POMZP3: variants seen among roughly 807,000 people sequenced by gnomAD.
POMZP3 encodes the protein POM121 and ZP3 fusion.
A neutral mutation model predicts 19.8 loss-of-function variants in POMZP3; 10 were observed. That is an observed-to-expected ratio of 0.51 (90% CI 0.31 to 0.86). POMZP3 has a LOEUF of 0.86. Ranked by LOEUF, POMZP3 falls within the 40% of genes least tolerant of loss-of-function variation. The pLI, the probability that POMZP3 is intolerant of heterozygous loss-of-function variation, is 0.04. For synonymous variants in POMZP3, 57 were observed against 85.8 expected, an observed-to-expected ratio of 0.66 and a Z score of 1.85; for missense variants, 152 against 228.1, an observed-to-expected ratio of 0.67 and a Z score of 2.15.
At chr7:76,619,315 G>C (rs1308558336) in intron 3 of POMZP3, among the ~76,000 whole-genome samples, 3 of 152,124 alleles carry the variant, frequency 2.0e-5, no homozygotes, top group Admixed American at 1.3e-4. Context: ...CTCAATCCAG[G>C]GGGCAGAGGT....
intron 6 of POMZP3, among the ~76,000 whole-genome samples, chr7:76,610,481 G>A (rs1404340348): frequency 1.3e-5 from 2 of 151,702 alleles, no homozygotes; most frequent in African/African-American, 2.4e-5. Context: ...GGCAAGACCC[G>A]TCTCTACTGA....
At position 76,626,090 on chromosome 7, in the gene POMZP3, G is replaced by C. The variant is rs1815874492; in HGVS notation, c.-26C>G. 6.2e-7 allele frequency: 1 copy of C among 1,613,684 alleles called. No individual in the cohort carries two copies. Among genetic ancestry groups the C allele is most frequent in the Non-Finnish European group, 8.5e-7 (1 of 1,179,754 alleles). On this transcript the variant is annotated 5_prime_UTR_variant, in exon 2 of 7. Transcript: ENST00000310842. Reference sequence around the variant, plus strand: ...CCTGGAGTTGCGAGGGGACAGCACAGCCTTCTTGTGATAACCATTCCAGCA... The same window carrying C: ...CCTGGAGTTGCGAGGGGACAGCACACCCTTCTTGTGATAACCATTCCAGCA...
rs1815928406 is a variant in POMZP3, at chr7:76,626,792, G to GGCGGTGTGGAGC, written c.-248_-237dup. The GGCGGTGTGGAGC allele has an allele frequency of 8.6e-6, 12 of 1,393,602 alleles. No homozygotes were observed. The highest frequency in any genetic ancestry group is 1.1e-5 in the Non-Finnish European group (12 of 1,085,982). 86.3% of individuals were successfully genotyped at this position (1,393,602 alleles called of 1,614,324 possible). ...GTGAACGCGATGGGTCGGCGGGGAG[G>GGCGGTGTGGAGC]GCGGTGTGGAGCGCGGCGCCGGGCG... is the stretch of plus-strand genomic sequence containing the variant. On this transcript the variant is annotated 5_prime_UTR_variant, in exon 1 of 7. Transcript: ENST00000310842.
At position 76,613,878 on chromosome 7, in the gene POMZP3, G is replaced by A. The variant is rs1357263980; in HGVS notation, c.346-2065C>T. On this transcript the variant is annotated intron_variant, in intron 4 of 6. Transcript: ENST00000310842. The stretch of plus-strand genomic sequence containing the variant: ...CCAGGGCTCAGTCTAGCCTTGGCCC[G>A]TCCCCAGGTCAGTTTCCCTTCATAT... Among the ~76,000 whole-genome samples, 2 of 84,766 alleles carry A rather than the reference G, an allele frequency of 2.4e-5. 1 individual carries two copies. Among genetic ancestry groups the A allele is most frequent in the Admixed American group, 2.2e-4 (2 of 9,216 alleles). 55.6% of individuals were successfully genotyped at this position (84,766 alleles called of 152,430 possible).
chr7:76,625,734 A>AT (rs1815851443), intron 2 of POMZP3, 51 bp from the exon 3 acceptor site: 1 of 1,591,694 alleles, frequency 6.3e-7, no homozygotes, highest in East Asian at 2.2e-5. Context: ...TTCCCATGCC[A>AT]TATCAGAAAT....
Position 76,625,568 on chromosome 7 carries a change from C to T in POMZP3, c.181G>A (p.Glu61Lys), listed in dbSNP as rs1280560747. ...LKEKKKKRTV[E>K]EEDQIFLDGQ... is the part of the protein sequence containing the mutation. ...TCAAGGAATATTTGGTCTTCTTCCT[C>T]CACTGTCCTTTTCTTCTTCTTCTCT... The change falls in exon 3 of 7, where the codon GAG (glutamate) becomes AAG (lysine). Residue 61 changes from glutamate (E) to lysine (K), a missense_variant. Physicochemically the swap from Glu to Lys is moderately conservative, Grantham distance 56 (BLOSUM62 1). Coordinates refer to ENST00000310842, the MANE Select transcript of POMZP3 (RefSeq NM_012230.5). 14 of 1,613,426 alleles carry T rather than the reference C, an allele frequency of 8.7e-6. No individual in the cohort carries two copies. The Admixed American group carries it at 2.3e-4, about 27-fold the overall frequency.
intron 3 of POMZP3, among the ~76,000 whole-genome samples, chr7:76,624,872 C>T (rs866782633): frequency 5.3e-5 from 8 of 151,714 alleles, no homozygotes; most frequent in African/African-American, 1.7e-4. Context: ...GTGGCTCAAG[C>T]CTGTAATCCC....
Position 76,627,260 on chromosome 7 carries a change from C to T in POMZP3, c.-704G>A. ...CGCAGCCGCCGGAGACATCGCGGCT[C>T]CGCGCCGCGGAGGAGACTTAAATAT... On this transcript the variant is annotated 5_prime_UTR_variant, in exon 1 of 7. Transcript: ENST00000310842. 3 of 1,362,756 alleles carry T rather than the reference C, an allele frequency of 2.2e-6. No homozygotes were observed. Among genetic ancestry groups the T allele is most frequent in the Non-Finnish European group, 2.8e-6 (3 of 1,054,044 alleles). The allele number at this position is 1,362,756 out of a possible 1,614,324, so 84.4% of individuals were successfully genotyped here. A position where few individuals can be genotyped will look rare whatever the true frequency, so the allele number is the denominator to read the frequency against.
At chr7:76,622,723 T>C (rs908348469) in intron 3 of POMZP3, among the ~76,000 whole-genome samples, 3 of 151,756 alleles carry the variant, frequency 2.0e-5, no homozygotes, top group Non-Finnish European at 4.4e-5. Flanking sequence ...TTGTCCAGGC[T>C]AGAGTGCAGT....
intron 3 of POMZP3, among the ~76,000 whole-genome samples, chr7:76,620,861 A>ATTTTTTTTTTTTTT (rs56084078): frequency 3.9e-5 from 3 of 76,200 alleles, no homozygotes; most frequent in East Asian, 4.7e-4. Context: ...CTGTAAAGCC[A>ATTTTTTTTTTTTTT]TTTTTTTTTT....
chr7:76,626,035 G>A lies in POMZP3; in HGVS notation c.30C>T (p.Ile10=). The A allele has an allele frequency of 1.2e-6, 2 of 1,613,800 alleles. No homozygotes were observed. The highest frequency in any genetic ancestry group is 1.7e-6 in the Non-Finnish European group (2 of 1,179,724). The change falls in exon 2 of 7, where the codon ATC becomes ATT. Residue 10 remains isoleucine, a synonymous_variant. Transcript: ENST00000310842. ...GCGAAAATCTTCTGTCAGGAGGGGC[G>A]ATCCTCAGAGTCACTGGGCTACACA... is the stretch of plus-strand genomic sequence containing the variant. The part of the protein sequence containing the change: MVCSPVTLR[I]APPDRRFSRS...
Position 76,616,017 on chromosome 7 carries a change from G to T in POMZP3, c.345+2166C>A, listed in dbSNP as rs1391004995. 2.3e-5 allele frequency among the ~76,000 whole-genome samples: 2 copies of T among 86,410 alleles called. 1 individual carries two copies. 56.7% of individuals were successfully genotyped at this position (86,410 alleles called of 152,430 possible). A position where few individuals can be genotyped will look rare whatever the true frequency, so the allele number is the denominator to read the frequency against. The stretch of plus-strand genomic sequence containing the variant: ...GGGGGGGGGCAGGTGGCACGTGGTG[G>T]TTCATGCCTATAATCCCAGCACTTT... On this transcript the variant is annotated intron_variant, in intron 4 of 6. Coordinates refer to ENST00000310842, the MANE Select transcript of POMZP3 (RefSeq NM_012230.5).
In POMZP3 at chr7:76,614,472, T is replaced by C. The variant is rs1236711675; in HGVS notation, c.346-2659A>G. On this transcript the variant is annotated intron_variant, in intron 4 of 6. Coordinates refer to ENST00000310842, the MANE Select transcript of POMZP3 (RefSeq NM_012230.5). ...TACTTGGGAGGCTGGAATGGAAGAA[T>C]TGCTTGAACCTGGGAGATGGGAAGT... Among the ~76,000 whole-genome samples, 11 of 80,672 alleles carry C rather than the reference T, an allele frequency of 1.4e-4. 1 individual carries two copies. Among genetic ancestry groups the C allele is most frequent in the African/African-American group, 6.2e-4 (11 of 17,762 alleles). 52.9% of individuals were successfully genotyped at this position (80,672 alleles called of 152,430 possible).
At position 76,611,556 on chromosome 7, in the gene POMZP3, T is replaced by C. The variant is rs199955184; in HGVS notation, c.473A>G (p.Gln158Arg). The change falls in exon 6 of 7, where the codon CAA becomes CGA. Residue 158 changes from glutamine to arginine, a missense_variant. This residue lies in a region of POMZP3 where 65 missense variants were observed against 86.2 expected (regional missense o/e 0.75). Coordinates refer to ENST00000310842, the MANE Select transcript of POMZP3 (RefSeq NM_012230.5). ...GCCACAGTCACCTTTGTTACAGCAT[T>C]GACAGATGTCAGCCAGGCCTTCCAC... ...FPVEGLADIC[Q>R]CCNKGDCGTP... 6.1e-5 allele frequency: 98 copies of C among 1,604,240 alleles called. 4 individuals are homozygous for C. The highest frequency in any genetic ancestry group is 7.8e-5 in the Non-Finnish European group (91 of 1,172,142).
At position 76,625,942 on chromosome 7, in the gene POMZP3, T is replaced by C. The variant is rs1354419485; in HGVS notation, c.65+58A>G. 102 of 1,604,660 alleles carry C rather than the reference T, an allele frequency of 6.4e-5. 1 individual carries two copies. The highest frequency in any genetic ancestry group is 8.4e-5 in the Non-Finnish European group (99 of 1,174,708). On this transcript the variant is annotated intron_variant, in intron 2 of 6. Coordinates refer to ENST00000310842, the MANE Select transcript of POMZP3 (RefSeq NM_012230.5). ...GTAGTCATGTTGTCATAGGAACAAC[T>C]GGAGAAGAATAAAGTGGACACGAAA...
Position 76,627,130 on chromosome 7 carries a change from G to A in POMZP3, c.-574C>T, listed in dbSNP as rs1815951187. 9 of 1,429,742 alleles carry A rather than the reference G, an allele frequency of 6.3e-6. 1 individual carries two copies. In the South Asian group the frequency reaches 1.1e-4, roughly 17 times the overall value. The allele number at this position is 1,429,742 out of a possible 1,614,324, so 88.6% of individuals were successfully genotyped here. ...CAGCCAGGCCAGCGCAGCCGCAGCA[G>A]GCACGAGGTACAGTAGGAGGCCGAC... On this transcript the variant is annotated 5_prime_UTR_variant, in exon 1 of 7. Transcript: ENST00000310842.
At chr7:76,612,211 G>T (rs2116847236) in intron 4 of POMZP3, among the ~76,000 whole-genome samples, 1 of 122,520 alleles carries the variant, frequency 8.2e-6, no homozygotes, top group South Asian at 2.9e-4. Context: ...ATAAACAGGG[G>T]GAAGGAAGAG....
Position 76,614,889 on chromosome 7 carries a change from C to G in POMZP3, c.346-3076G>C, listed in dbSNP as rs1275051775. ...AAAAAAAAAAAAAAGTACACAGGGT[C>G]TTGCTCTGTTGAGGGCAATAGCACC... On this transcript the variant is annotated intron_variant, in intron 4 of 6. Transcript: ENST00000310842. Among the ~76,000 whole-genome samples the G allele has an allele frequency of 2.0e-5, 2 of 99,544 alleles. 1 individual carries two copies. Among genetic ancestry groups the G allele is most frequent in the Non-Finnish European group, 4.2e-5 (2 of 47,996 alleles). 65.3% of individuals were successfully genotyped at this position (99,544 alleles called of 152,430 possible).
At position 76,627,241 on chromosome 7, in the gene POMZP3, C is replaced by G; in HGVS notation, c.-685G>C. 2 of 1,385,020 alleles carry G rather than the reference C, an allele frequency of 1.4e-6. No individual in the cohort carries two copies. Among genetic ancestry groups the G allele is most frequent in the Middle Eastern group, 2.5e-4 (1 of 3,924 alleles). 85.8% of individuals were successfully genotyped at this position (1,385,020 alleles called of 1,614,324 possible). A position where few individuals can be genotyped will look rare whatever the true frequency, so the allele number is the denominator to read the frequency against. Reference sequence around the variant, plus strand: ...GCTCGCCTGCTCCAGCCGCCGCAGCCGCCGGAGACATCGCGGCTCCGCGCC... The same window carrying G: ...GCTCGCCTGCTCCAGCCGCCGCAGCGGCCGGAGACATCGCGGCTCCGCGCC... On this transcript the variant is annotated 5_prime_UTR_variant, in exon 1 of 7. Transcript: ENST00000310842.
Sources: allele counts gnomAD v4.1 joint callset (sites outside exome capture counted in the v4.1 genomes callset), GRCh38; gene constraint gnomAD v4.1.1; regional missense constraint gnomAD v4.1.1; transcripts MANE v1.5; gene names NCBI Gene and HGNC (gene_info 2026-07-23, HGNC 2026-07-21).